The following NALF1 variants were observed in gnomAD, a reference collection of about 807,000 sequenced individuals.
The protein encoded by NALF1 is NALCN channel auxiliary factor 1, also known as family with sequence similarity 155 member A.
In NALF1, 3 loss-of-function variants were observed where a neutral mutation model predicts 48.4. The observed-to-expected ratio is 0.06, with a 90% CI of 0.03 to 0.16. NALF1 has a LOEUF of 0.16. NALF1 is among the 10% of genes least tolerant of loss of function. The probability of loss-of-function intolerance (pLI) is 1.00; values close to 1 mark genes in which losing one functional copy is unlikely to be tolerated. For synonymous variants in NALF1, 262 were observed against 245.7 expected, an observed-to-expected ratio of 1.07 and a Z score of -0.62; for missense variants, 526 against 571.5, an observed-to-expected ratio of 0.92 and a Z score of 0.81.
chr13:107,413,674 T>TA (rs1411450684), intron 1 of NALF1, among the ~76,000 whole-genome samples: 2 of 152,048 alleles, frequency 1.3e-5, no homozygotes, highest in Non-Finnish European at 2.9e-5. Context: ...ATTGATCACA[T>TA]ACTGAGACTA....
At chr13:107,850,624 C>T (rs7330212) in intron 1 of NALF1, among the ~76,000 whole-genome samples, 14,781 of 152,170 alleles carry the variant, frequency 0.097, 1,020 homozygotes, top group East Asian at 0.23. Flanking sequence ...ATTGGCTGGC[C>T]AGGCACGGTG....
At chr13:107,408,161 C>A (rs1010629141) in intron 1 of NALF1, among the ~76,000 whole-genome samples, 3 of 151,546 alleles carry the variant, frequency 2.0e-5, no homozygotes, top group Non-Finnish European at 4.4e-5. Context: ...TTAATGAGTA[C>A]AAAAAATAGT....
At chr13:107,714,625 T>TCAAAAAAAA in intron 1 of NALF1, among the ~76,000 whole-genome samples, 1 of 9,780 alleles carries the variant, frequency 1.0e-4, no homozygotes, top group East Asian at 0.01. Flanking sequence ...TGAGGCTTTA[T>TCAAAAAAAA]TAAAAAAAAA....
At chr13:107,841,626 C>A (rs1880043995) in intron 1 of NALF1, among the ~76,000 whole-genome samples, 1 of 148,998 alleles carries the variant, frequency 6.7e-6, no homozygotes. Flanking sequence ...AAAAGAAATG[C>A]TGGAATATCC....
At position 107,764,666 on chromosome 13, in the gene NALF1, G is replaced by A. The variant is rs147713234; in HGVS notation, c.915+101016C>T. 3.9e-3 allele frequency among the ~76,000 whole-genome samples: 596 copies of A among 152,250 alleles called. 2 individuals are homozygous for A. Among genetic ancestry groups the A allele is most frequent in the African/African-American group, 0.014 (584 of 41,554 alleles). On this transcript the variant is annotated intron_variant, in intron 1 of 2. Coordinates refer to ENST00000375915, the MANE Select transcript of NALF1 (RefSeq NM_001080396.3). ...TGACCATTCTGTGTTGTCAAGCGTG[G>A]AATGCATCATGGTTAATATTGAGAA...
chr13:107,678,744 T>C (rs1045682589), intron 1 of NALF1, among the ~76,000 whole-genome samples: 1 of 151,988 alleles, frequency 6.6e-6, no homozygotes, highest in Non-Finnish European at 1.5e-5. Flanking sequence ...GAAGGAGAAA[T>C]GCTGAGTGAA....
intron 1 of NALF1, among the ~76,000 whole-genome samples, chr13:107,235,733 T>C (rs947865662): frequency 6.6e-6 from 1 of 152,218 alleles, no homozygotes; most frequent in African/African-American, 2.4e-5. Context: ...GTCTGTCATT[T>C]GTTTGCCTGT....
intron 1 of NALF1, among the ~76,000 whole-genome samples, chr13:107,556,516 A>C (rs528465866): frequency 1.3e-5 from 2 of 151,918 alleles, no homozygotes; most frequent in South Asian, 4.2e-4. Flanking sequence ...TTTGGGATGG[A>C]GTTTCACTCT....
chr13:107,772,806 T>C (rs1290459562), intron 1 of NALF1, among the ~76,000 whole-genome samples: 2 of 152,210 alleles, frequency 1.3e-5, no homozygotes, highest in Admixed American at 6.5e-5. Flanking sequence ...GAAACACTTA[T>C]TAAAAATCTC....
At chr13:107,534,838 T>C (rs957120668) in intron 1 of NALF1, among the ~76,000 whole-genome samples, 1 of 152,136 alleles carries the variant, frequency 6.6e-6, no homozygotes, top group African/African-American at 2.4e-5. Context: ...CTTTTGATTG[T>C]ATGGTAAAGT....
chr13:107,786,229 C>T (rs1403847508), intron 1 of NALF1, among the ~76,000 whole-genome samples: 1 of 151,578 alleles, frequency 6.6e-6, no homozygotes, highest in Non-Finnish European at 1.5e-5. Context: ...CTGGTCTGAC[C>T]AACATGGTGA....
intron 1 of NALF1, among the ~76,000 whole-genome samples, chr13:107,275,926 C>A (rs1306034744): frequency 6.6e-6 from 1 of 152,026 alleles, no homozygotes; most frequent in East Asian, 1.9e-4. Context: ...TAGTGGGCTT[C>A]TCATAGGACG....
chr13:107,309,284 C>A (rs1384715076), intron 1 of NALF1, among the ~76,000 whole-genome samples: 2 of 152,336 alleles, frequency 1.3e-5, no homozygotes, highest in East Asian at 1.9e-4. Context: ...AAGACTTGGA[C>A]AAAGTGTTCT....
intron 1 of NALF1, among the ~76,000 whole-genome samples, chr13:107,251,108 C>T (rs1263439671): frequency 6.6e-6 from 1 of 152,132 alleles, no homozygotes; most frequent in East Asian, 1.9e-4. Context: ...TATTGGCATG[C>T]CTACATATTT....
At chr13:107,853,781 C>G (rs1880375656) in intron 1 of NALF1, among the ~76,000 whole-genome samples, 2 of 152,024 alleles carry the variant, frequency 1.3e-5, no homozygotes, top group African/African-American at 4.8e-5. Context: ...ATAAAACACA[C>G]AAAAATAGAT....
chr13:107,308,343 A>C (rs1369967769), intron 1 of NALF1, among the ~76,000 whole-genome samples: 1 of 151,724 alleles, frequency 6.6e-6, no homozygotes, highest in East Asian at 1.9e-4. Flanking sequence ...CTGGGACTAA[A>C]GGTACCCGCC....
intron 1 of NALF1, among the ~76,000 whole-genome samples, chr13:107,381,304 G>A (rs993628252): frequency 3.3e-5 from 5 of 150,948 alleles, no homozygotes; most frequent in African/African-American, 4.9e-5. Context: ...TGGCTCAAGC[G>A]ATCCTGCAGC....
intron 1 of NALF1, among the ~76,000 whole-genome samples, chr13:107,677,976 A>G (rs1392992829): frequency 6.6e-6 from 1 of 152,214 alleles, no homozygotes; most frequent in Non-Finnish European, 1.5e-5. Context: ...TATTTCTGCC[A>G]TGGTATATTT....
chr13:107,667,499 C>A (rs569440621), intron 1 of NALF1, among the ~76,000 whole-genome samples: 2 of 152,002 alleles, frequency 1.3e-5, no homozygotes, highest in East Asian at 3.9e-4. Flanking sequence ...ATTTATGTCA[C>A]TAAATGGTTT....
Sources: allele counts gnomAD v4.1 joint callset (sites outside exome capture counted in the v4.1 genomes callset), GRCh38; gene constraint gnomAD v4.1.1; transcripts MANE v1.5; gene names NCBI Gene and HGNC (gene_info 2026-07-23, HGNC 2026-07-21).